Variants in TRPM3 observed in about 807,000 individuals in gnomAD.
TRPM3 encodes long transient receptor potential channel 3.
Under a neutral mutation model 181.2 loss-of-function variants are expected in TRPM3, and 77 were observed. That is an observed-to-expected ratio of 0.42 (90% CI 0.35 to 0.51). The LOEUF is 0.51. Among genes scored for constraint, TRPM3 ranks in the 20% least tolerant of loss-of-function variants. The probability of loss-of-function intolerance (pLI) is 0.01; values close to 1 mark genes in which losing one functional copy is unlikely to be tolerated. For missense variants in TRPM3, 1,759 were observed against 2,196.7 expected, an observed-to-expected ratio of 0.80 and a Z score of 3.98; for synonymous variants, 745 against 796.4, an observed-to-expected ratio of 0.94 and a Z score of 1.09.
chr9:70,535,531 C>CTATTT lies in TRPM3; in HGVS notation c.*417_*421dup, dbSNP rs758961524. 94 of 1,546,264 alleles carry CTATTT rather than the reference C, an allele frequency of 6.1e-5. 1 individual carries two copies. In the Middle Eastern group the frequency reaches 6.5e-3, roughly 107 times the overall value. On this transcript the variant is annotated 3_prime_UTR_variant, in exon 26 of 26. Coordinates refer to ENST00000677713, the MANE Select transcript of TRPM3 (RefSeq NM_001366145.2). Reference sequence around the variant, plus strand: ...TAGAATATCTCATTGTGTACGCTGGCTATTTTATTTTATTTTGCAATTTAG... The same window carrying CTATTT: ...TAGAATATCTCATTGTGTACGCTGGCTATTTTATTTTATTTTATTTTGCAATTTAG...
intron 3 of TRPM3, among the ~76,000 whole-genome samples, chr9:70,858,893 C>T (rs2095452951): frequency 6.6e-6 from 1 of 152,044 alleles, no homozygotes; most frequent in Admixed American, 6.6e-5. Flanking sequence ...ACAGGTGGTC[C>T]CTGGTCCTAC....
intron 1 of TRPM3, among the ~76,000 whole-genome samples, chr9:71,178,155 C>G (rs1251441862): frequency 6.6e-6 from 1 of 151,816 alleles, no homozygotes; most frequent in Admixed American, 6.6e-5. Context: ...GCAATGTGTA[C>G]AAGGTATCAC....
chr9:70,697,732 G>A (rs1212707674), intron 8 of TRPM3, among the ~76,000 whole-genome samples: 1 of 152,156 alleles, frequency 6.6e-6, no homozygotes, highest in Non-Finnish European at 1.5e-5. Context: ...TTGTGAGGAA[G>A]TTTCAAGAAG....
intron 1 of TRPM3, among the ~76,000 whole-genome samples, chr9:71,133,433 G>A (rs1397459170): frequency 6.6e-6 from 1 of 151,640 alleles, no homozygotes; most frequent in Non-Finnish European, 1.5e-5. Context: ...CCGAGTAGCT[G>A]GAATTACAGG....
chr9:70,591,587 T>G (rs940544237), intron 21 of TRPM3, among the ~76,000 whole-genome samples: 25 of 152,152 alleles, frequency 1.6e-4, no homozygotes, highest in African/African-American at 6.0e-4. Context: ...GCAAGTGTCC[T>G]CTTTGGGTCT....
intron 1 of TRPM3, among the ~76,000 whole-genome samples, chr9:71,413,665 T>C (rs2093595353): frequency 6.6e-6 from 1 of 152,054 alleles, no homozygotes; most frequent in Non-Finnish European, 1.5e-5. Context: ...CCCTCACTAA[T>C]GGATTAATGC....
In TRPM3 at chr9:70,657,962, A is replaced by G. The variant is rs535516848; in HGVS notation, c.1346-17302T>C. On this transcript the variant is annotated intron_variant, in intron 9 of 25. Coordinates refer to ENST00000677713, the MANE Select transcript of TRPM3 (RefSeq NM_001366145.2). ...TTCAGTTTCTATAAATTAATCATCA[A>G]TGTCAAAGGCACACTGATGCAAGAC... Among the ~76,000 whole-genome samples the G allele has an allele frequency of 1.6e-4, 25 of 152,264 alleles. 1 individual carries two copies. The highest frequency in any genetic ancestry group is 6.0e-4 in the African/African-American group (25 of 41,572).
intron 1 of TRPM3, among the ~76,000 whole-genome samples, chr9:71,399,521 C>CTTTTTTTT (rs1415739241): frequency 2.3e-4 from 25 of 107,502 alleles, no homozygotes; most frequent in Non-Finnish European, 3.6e-4. Context: ...CTTATATTTT[C>CTTTTTTTT]TTTTGTTTTT....
At chr9:70,664,551 A>C (rs189457400) in intron 9 of TRPM3, among the ~76,000 whole-genome samples, 1 of 151,750 alleles carries the variant, frequency 6.6e-6, no homozygotes, top group Admixed American at 6.6e-5. Flanking sequence ...AACTTGAGAG[A>C]ATTTGTTGTG....
chr9:70,765,004 A>C (rs573088145), intron 7 of TRPM3, among the ~76,000 whole-genome samples: 128 of 152,328 alleles, frequency 8.4e-4, no homozygotes, highest in African/African-American at 3.0e-3. Flanking sequence ...GTCATGGTTT[A>C]ACATACACAA....
intron 1 of TRPM3, among the ~76,000 whole-genome samples, chr9:70,888,373 G>GTGTA (rs1379199592): frequency 6.6e-6 from 1 of 150,726 alleles, no homozygotes; most frequent in Non-Finnish European, 1.5e-5. Flanking sequence ...GTGTGTGTGT[G>GTGTA]TGTGTGTGTG....
intron 1 of TRPM3, among the ~76,000 whole-genome samples, chr9:71,348,996 T>A (rs1428588385): frequency 1.3e-5 from 2 of 152,290 alleles, no homozygotes; most frequent in African/African-American, 4.8e-5. Context: ...ACATGTGAAA[T>A]CAAAAGCAAA....
chr9:70,563,821 T>G lies in TRPM3; in HGVS notation c.3224-10511A>C, dbSNP rs1215495841. Among the ~76,000 whole-genome samples, 3 of 152,310 alleles carry G rather than the reference T, an allele frequency of 2.0e-5. No homozygotes were observed. The East Asian group carries it at 5.8e-4, about 29-fold the overall frequency. On this transcript the variant is annotated intron_variant, in intron 22 of 25. Transcript: ENST00000677713. ...AGAGAAAAGCAGATGAGTGTGGTCA[T>G]GTCTTCTGATTCTGACTTTACAAAA...
Position 71,222,151 on chromosome 9 carries a change from G to A in TRPM3, c.183+224502C>T, listed in dbSNP as rs183504839. On this transcript the variant is annotated intron_variant, in intron 1 of 24. Transcript: ENST00000357533. ...TTGAGCAGTACACTGCTGATAAATA[G>A]ATAATGAACAAATGACTGACTGAAT... Among the ~76,000 whole-genome samples, 309 of 152,292 alleles carry A rather than the reference G, an allele frequency of 2.0e-3. 1 individual carries two copies. The highest frequency in any genetic ancestry group is 1.7e-3 in the Non-Finnish European group (116 of 68,024).
chr9:71,089,119 G>T (rs2430874), intron 1 of TRPM3, among the ~76,000 whole-genome samples: 34,133 of 145,814 alleles, frequency 0.23, 4,732 homozygotes, highest in East Asian at 0.4. Flanking sequence ...GATATATATT[G>T]TATATATCAT....
At chr9:71,282,092 A>AAAAGAAAAAAT (rs1298517913) in intron 1 of TRPM3, among the ~76,000 whole-genome samples, 1 of 51,754 alleles carries the variant, frequency 1.9e-5, no homozygotes, top group Non-Finnish European at 4.0e-5. Context: ...AAAGAAAGAG[A>AAAAGAAAAAAT]GAAAGAAAGA....
intron 1 of TRPM3, among the ~76,000 whole-genome samples, chr9:71,426,663 C>G (rs1416542020): frequency 6.6e-6 from 1 of 152,156 alleles, no homozygotes; most frequent in South Asian, 2.1e-4. Context: ...TTATTTTCCA[C>G]TGGACCCCAT....
intron 9 of TRPM3, among the ~76,000 whole-genome samples, chr9:70,671,929 A>AGTTTTTT (rs756835607): frequency 1.0e-5 from 1 of 98,524 alleles, no homozygotes; most frequent in Non-Finnish European, 2.0e-5. Flanking sequence ...ATGTCCAGCT[A>AGTTTTTT]ATTTTTTTTT....
chr9:70,576,814 C>A (rs1639619993), intron 22 of TRPM3, among the ~76,000 whole-genome samples: 1 of 152,120 alleles, frequency 6.6e-6, no homozygotes, highest in Admixed American at 6.6e-5. Context: ...CACCCGGCCG[C>A]TGCTATAGAT....
Sources: gnomAD v4.1 joint callset for allele counts (sites outside exome capture counted in the v4.1 genomes callset) on GRCh38, gnomAD v4.1.1 for gene constraint, MANE v1.5 for transcripts, NCBI Gene and HGNC (gene_info 2026-07-23, HGNC 2026-07-21) for gene names.